The following TAFA1 variants were observed in gnomAD, a reference collection of about 807,000 sequenced individuals.
TAFA1 encodes the protein TAFA chemokine like family member 1.
A neutral mutation model predicts 18.5 loss-of-function variants in TAFA1; 4 were observed. The observed-to-expected ratio is 0.22, with a 90% confidence interval of 0.11 to 0.49. The LOEUF is 0.49. Among genes scored for constraint, TAFA1 ranks in the 20% least tolerant of loss-of-function variants. The pLI is 0.98. For synonymous variants in TAFA1, 56 were observed against 55.2 expected (o/e 1.01, Z -0.06); for missense variants, 147 against 169.0 (o/e 0.87, Z 0.72).
chr3:68,111,478 A>G (rs1441082247), intron 2 of TAFA1, among the ~76,000 whole-genome samples: 3 of 152,178 alleles, frequency 2.0e-5, no homozygotes, highest in Non-Finnish European at 4.4e-5. Context: ...AGAGAAACTT[A>G]AAGAATTAAG....
chr3:68,304,158 A>C (rs2068363109), intron 2 of TAFA1, among the ~76,000 whole-genome samples: 1 of 152,254 alleles, frequency 6.6e-6, no homozygotes, highest in Admixed American at 6.5e-5. Context: ...CCTGTTGCAT[A>C]TTAAAATAGA....
At chr3:68,531,866 C>T (rs2073193084) in intron 3 of TAFA1, among the ~76,000 whole-genome samples, 1 of 152,144 alleles carries the variant, frequency 6.6e-6, no homozygotes, top group African/African-American at 2.4e-5. Flanking sequence ...ACTACCTGCT[C>T]TAACAGAGTT....
intron 3 of TAFA1, among the ~76,000 whole-genome samples, chr3:68,466,818 G>A (rs750555826): frequency 9.2e-5 from 14 of 151,984 alleles, no homozygotes; most frequent in Non-Finnish European, 1.3e-4. Context: ...CCTAAGTGTC[G>A]GCCGGTCTGA....
intron 2 of TAFA1, among the ~76,000 whole-genome samples, chr3:68,319,881 A>G (rs571395051): frequency 3.9e-5 from 6 of 152,310 alleles, no homozygotes; most frequent in Admixed American, 2.6e-4. Flanking sequence ...TAAATTCTTC[A>G]TTATCATAGA....
chr3:68,220,597 G>C (rs1265756872), intron 2 of TAFA1, among the ~76,000 whole-genome samples: 1 of 151,946 alleles, frequency 6.6e-6, no homozygotes, highest in Admixed American at 6.6e-5. Flanking sequence ...TTCGGAAGGA[G>C]TTTACTATCT....
At chr3:68,120,233 CTTTCTTTCTTTCT>C (rs2065380196) in intron 2 of TAFA1, among the ~76,000 whole-genome samples, 1 of 113,198 alleles carries the variant, frequency 8.8e-6, no homozygotes, top group Non-Finnish European at 1.8e-5. Context: ...TTCTTTCTTT[CTTTCTTTCTTTCT>C]TTCTTTCTTT....
chr3:68,107,349 G>C lies in TAFA1; in HGVS notation c.118+100605G>C, dbSNP rs7629107. Among the ~76,000 whole-genome samples the C allele has an allele frequency of 6.6e-3, 1,001 of 152,190 alleles. 8 individuals are homozygous for C. The highest frequency in any genetic ancestry group is 0.023 in the African/African-American group (952 of 41,538). The stretch of plus-strand genomic sequence containing the variant: ...TACATGTACATTAATGTTAATAGCA[G>C]TTTTATTCATACTTGCCCCAAACTG... On this transcript the variant is annotated intron_variant, in intron 2 of 4. Transcript: ENST00000478136.
chr3:68,262,338 T>C (rs2067447758), intron 2 of TAFA1, among the ~76,000 whole-genome samples: 1 of 93,818 alleles, frequency 1.1e-5, no homozygotes, highest in African/African-American at 4.1e-5. Flanking sequence ...TATATATATA[T>C]ATATATATAT....
chr3:68,501,764 G>A (rs918730354), intron 3 of TAFA1, among the ~76,000 whole-genome samples: 4 of 152,084 alleles, frequency 2.6e-5, no homozygotes, highest in African/African-American at 9.7e-5. Flanking sequence ...TTAGTAATGG[G>A]GGAATGAATC....
At chr3:68,383,871 T>C (rs532167196) in intron 2 of TAFA1, among the ~76,000 whole-genome samples, 1 of 152,170 alleles carries the variant, frequency 6.6e-6, no homozygotes, top group Non-Finnish European at 1.5e-5. Context: ...TATTGGTCTA[T>C]TCAGGGATTC....
In TAFA1 at chr3:68,089,335, A is replaced by T. The variant is rs1417474821; in HGVS notation, c.118+82591A>T. Among the ~76,000 whole-genome samples, 3 of 152,358 alleles carry T rather than the reference A, an allele frequency of 2.0e-5. No homozygotes were observed. The East Asian group carries it at 5.8e-4, about 29-fold the overall frequency. On this transcript the variant is annotated intron_variant, in intron 2 of 4. Coordinates refer to ENST00000478136, the MANE Select transcript of TAFA1 (RefSeq NM_213609.4). Reference sequence around the variant, plus strand: ...TTATGAATTTTATAAAATTTTCAGCACACTGGCTGTTATGTAGCAAGTAGA... The same window carrying T: ...TTATGAATTTTATAAAATTTTCAGCTCACTGGCTGTTATGTAGCAAGTAGA...
At chr3:68,263,067 G>T (rs565098992) in intron 2 of TAFA1, among the ~76,000 whole-genome samples, 3 of 152,060 alleles carry the variant, frequency 2.0e-5, no homozygotes, top group Admixed American at 6.6e-5. Context: ...GGTTTTTAGA[G>T]TATTACTCAT....
chr3:68,432,760 A>G (rs994369137), intron 3 of TAFA1, among the ~76,000 whole-genome samples: 8 of 152,014 alleles, frequency 5.3e-5, no homozygotes, highest in African/African-American at 1.9e-4. Context: ...CCAAGCTCCC[A>G]TTGGTACTCA....
At chr3:68,314,831 A>G (rs1480536926) in intron 2 of TAFA1, among the ~76,000 whole-genome samples, 2 of 151,700 alleles carry the variant, frequency 1.3e-5, no homozygotes, top group Admixed American at 6.6e-5. Context: ...TTTCAGGTCC[A>G]TAGTTTGAGA....
intron 2 of TAFA1, among the ~76,000 whole-genome samples, chr3:68,011,550 A>G (rs1704471583): frequency 6.6e-6 from 1 of 152,190 alleles, no homozygotes. Flanking sequence ...ACTATTCAAT[A>G]TTACTTTATT....
At chr3:68,333,725 C>T (rs1446506969) in intron 2 of TAFA1, among the ~76,000 whole-genome samples, 1 of 152,184 alleles carries the variant, frequency 6.6e-6, no homozygotes, top group Non-Finnish European at 1.5e-5. Flanking sequence ...GATCTGCACT[C>T]CCATGTTCAT....
intron 2 of TAFA1, among the ~76,000 whole-genome samples, chr3:68,234,968 C>A (rs2066911522): frequency 6.6e-6 from 1 of 152,168 alleles, no homozygotes; most frequent in Non-Finnish European, 1.5e-5. Context: ...CACAGATGAA[C>A]TCCATTGTCT....
At chr3:68,398,670 T>G (rs2070431350) in intron 2 of TAFA1, among the ~76,000 whole-genome samples, 1 of 152,180 alleles carries the variant, frequency 6.6e-6, no homozygotes, top group African/African-American at 2.4e-5. Flanking sequence ...ATTTATGTAT[T>G]TTTTCCCTAG....
chr3:68,028,272 C>G (rs1704858644), intron 2 of TAFA1, among the ~76,000 whole-genome samples: 2 of 152,024 alleles, frequency 1.3e-5, no homozygotes, highest in Non-Finnish European at 2.9e-5. Context: ...TGCACTCCAG[C>G]TTGGGTGACA....
Sources: gnomAD v4.1 joint callset for allele counts (sites outside exome capture counted in the v4.1 genomes callset) on GRCh38, gnomAD v4.1.1 for gene constraint, MANE v1.5 for transcripts, NCBI Gene and HGNC (gene_info 2026-07-23, HGNC 2026-07-21) for gene names.